PPP2R2B: variants seen among roughly 807,000 people sequenced by gnomAD.
PPP2R2B encodes protein phosphatase 2 regulatory subunit Bbeta.
A neutral mutation model predicts 46.0 loss-of-function variants in PPP2R2B; 5 were observed. The ratio of observed to expected loss-of-function variants is 0.11; its 90% CI spans 0.06 to 0.23. The LOEUF is 0.23. PPP2R2B is among the 10% of genes least tolerant of loss of function. PPP2R2B has a pLI of 1.00. For synonymous variants in PPP2R2B, 215 were observed against 206.7 expected (o/e 1.04, Z -0.34); for missense variants, 367 against 575.0 (o/e 0.64, Z 3.70).
intron 5 of PPP2R2B, among the ~76,000 whole-genome samples, chr5:146,690,259 C>G (rs952793635): frequency 6.6e-6 from 1 of 152,208 alleles, no homozygotes; most frequent in Non-Finnish European, 1.5e-5. Context: ...CTGAGCTCAT[C>G]ATCCAGTCCT....
intron 1 of PPP2R2B, among the ~76,000 whole-genome samples, chr5:147,037,092 A>C (rs1756074219): frequency 6.6e-6 from 1 of 152,156 alleles, no homozygotes; most frequent in African/African-American, 2.4e-5. Context: ...CAGGGAACCC[A>C]GGCAGTCTAA....
chr5:146,807,257 A>AC (rs1478615567), intron 2 of PPP2R2B, among the ~76,000 whole-genome samples: 1 of 152,208 alleles, frequency 6.6e-6, no homozygotes, highest in Non-Finnish European at 1.5e-5. Context: ...CTGTCACAGA[A>AC]CATCTATTTC....
intron 2 of PPP2R2B, among the ~76,000 whole-genome samples, chr5:147,067,554 C>T (rs554026563): frequency 4.1e-4 from 63 of 152,150 alleles, no homozygotes; most frequent in Non-Finnish European, 7.8e-4. Flanking sequence ...CAGAGAGAGA[C>T]TCTAATCCCT....
At chr5:146,633,925 T>C (rs552908458) in intron 7 of PPP2R2B, among the ~76,000 whole-genome samples, 4 of 152,354 alleles carry the variant, frequency 2.6e-5, no homozygotes, top group Admixed American at 6.5e-5. Context: ...TACCAGCACA[T>C]GCCTCTCTTT....
intron 6 of PPP2R2B, among the ~76,000 whole-genome samples, chr5:146,648,463 A>G (rs941531411): frequency 6.6e-6 from 1 of 152,198 alleles, no homozygotes; most frequent in Non-Finnish European, 1.5e-5. Context: ...TGAACTGTCT[A>G]CTGGATAGCG....
intron 2 of PPP2R2B, among the ~76,000 whole-genome samples, chr5:146,757,524 G>A (rs909882911): frequency 1.3e-5 from 2 of 152,108 alleles, no homozygotes; most frequent in African/African-American, 4.8e-5. Context: ...AGCCCCATTT[G>A]AGGTGACTTT....
intron 1 of PPP2R2B, among the ~76,000 whole-genome samples, chr5:147,043,279 A>AC (rs1212835626): frequency 1.3e-5 from 2 of 151,542 alleles, no homozygotes; most frequent in Admixed American, 6.6e-5. Context: ...TGAAGCCCCA[A>AC]CCCCCAATGT....
intron 1 of PPP2R2B, among the ~76,000 whole-genome samples, chr5:147,054,955 A>G (rs1757004571): frequency 6.6e-6 from 1 of 152,226 alleles, no homozygotes; most frequent in African/African-American, 2.4e-5. Flanking sequence ...CTTAGTTGAA[A>G]GGGAATTGCC....
chr5:146,899,315 T>G (rs1176334693), intron 1 of PPP2R2B, among the ~76,000 whole-genome samples: 1 of 148,654 alleles, frequency 6.7e-6, no homozygotes, highest in Admixed American at 6.7e-5. Context: ...TGAGTTCATG[T>G]CCTTTGTAGG....
At chr5:146,841,123 T>A (rs1200159650) in intron 2 of PPP2R2B, among the ~76,000 whole-genome samples, 1 of 151,970 alleles carries the variant, frequency 6.6e-6, no homozygotes, top group Non-Finnish European at 1.5e-5. Context: ...TGGAGGATTA[T>A]TCAATGCCTT....
At chr5:146,837,753 C>A (rs1156293609) in intron 2 of PPP2R2B, among the ~76,000 whole-genome samples, 1 of 152,166 alleles carries the variant, frequency 6.6e-6, no homozygotes, top group African/African-American at 2.4e-5. Flanking sequence ...TTCAGCATAT[C>A]TCAAATGAAA....
intron 1 of PPP2R2B, among the ~76,000 whole-genome samples, chr5:146,929,903 C>A (rs749653376): frequency 6.6e-6 from 1 of 152,006 alleles, no homozygotes; most frequent in Non-Finnish European, 1.5e-5. Flanking sequence ...TAAAGAGGGC[C>A]TAATACATAG....
chr5:146,901,797 G>A (rs1272170992), intron 1 of PPP2R2B, among the ~76,000 whole-genome samples: 1 of 152,078 alleles, frequency 6.6e-6, no homozygotes, highest in Non-Finnish European at 1.5e-5. Context: ...AAATAATCCA[G>A]TTATGTAATG....
At chr5:146,714,920 G>A (rs1444596298) in intron 2 of PPP2R2B, among the ~76,000 whole-genome samples, 1 of 151,926 alleles carries the variant, frequency 6.6e-6, no homozygotes, top group African/African-American at 2.4e-5. Flanking sequence ...GAAGCTGAGA[G>A]CAGAAAGGAC....
intron 2 of PPP2R2B, among the ~76,000 whole-genome samples, chr5:147,080,230 G>A (rs1757934656): frequency 6.6e-6 from 1 of 152,126 alleles, no homozygotes. Flanking sequence ...TGAGTATAGT[G>A]TTCAATCCTG....
chr5:146,618,319 G>T (rs1773390781), intron 7 of PPP2R2B, among the ~76,000 whole-genome samples: 1 of 152,150 alleles, frequency 6.6e-6, no homozygotes, highest in African/African-American at 2.4e-5. Context: ...GCCTCTCGAA[G>T]CTCAAAAAGG....
intron 1 of PPP2R2B, among the ~76,000 whole-genome samples, chr5:147,043,866 A>C (rs1480157): frequency 0.75 from 114,157 of 151,962 alleles, 43,294 homozygotes; most frequent in Admixed American, 0.82. Flanking sequence ...TGTTTTCCCT[A>C]CATCTCAGAA....
chr5:146,962,186 CTG>C lies in PPP2R2B; in HGVS notation c.79+93477_79+93478del, dbSNP rs1187898886. Among the ~76,000 whole-genome samples, 3 of 149,198 alleles carry C rather than the reference CTG, an allele frequency of 2.0e-5. 1 individual carries two copies. The highest frequency in any genetic ancestry group is 4.4e-4 in the South Asian group (2 of 4,570). On this transcript the variant is annotated intron_variant, in intron 1 of 8. Coordinates refer to the PPP2R2B transcript ENST00000336640. ...ACTCTGAGCCCTAGAAACACTTAGGCTGTGAAGCACAATACACTTGTTTTTTT... is the reference window on the plus strand; with the variant it reads ...ACTCTGAGCCCTAGAAACACTTAGGCTGAAGCACAATACACTTGTTTTTTT...
At chr5:146,792,014 A>T (rs1489675914) in intron 2 of PPP2R2B, among the ~76,000 whole-genome samples, 1 of 152,184 alleles carries the variant, frequency 6.6e-6, no homozygotes, top group African/African-American at 2.4e-5. Flanking sequence ...ATGAGATGTT[A>T]GGAGATGTTT....
Sources: gnomAD v4.1 joint callset for allele counts (sites outside exome capture counted in the v4.1 genomes callset) on GRCh38, gnomAD v4.1.1 for gene constraint, MANE v1.5 for transcripts, NCBI Gene and HGNC (gene_info 2026-07-23, HGNC 2026-07-21) for gene names.